Variants in ADAMTS17 observed in about 807,000 individuals in gnomAD.
ADAMTS17 encodes ADAM metallopeptidase with thrombospondin type 1 motif 17, also known as A disintegrin and metalloproteinase with thrombospondin motifs 17.
In ADAMTS17, 113 loss-of-function variants were observed where a neutral mutation model predicts 141.5. The ratio of observed to expected loss-of-function variants is 0.80; its 90% CI spans 0.69 to 0.93. The LOEUF (loss-of-function observed/expected upper bound fraction) is 0.93, where lower values mean the gene tolerates loss of function less well. Ranked by LOEUF, ADAMTS17 falls within the 40% of genes least tolerant of loss-of-function variation. The pLI is 0.00. For missense variants in ADAMTS17, 1,659 were observed against 1,517.9 expected (o/e 1.09, Z -1.54); for synonymous variants, 768 against 630.6 (o/e 1.22, Z -3.27).
intron 15 of ADAMTS17, among the ~76,000 whole-genome samples, chr15:100,076,284 C>G (rs1373111970): frequency 6.6e-6 from 1 of 152,140 alleles, no homozygotes; most frequent in Non-Finnish European, 1.5e-5. Flanking sequence ...CTCAGGTGAT[C>G]CACCTGCCCC....
intron 8 of ADAMTS17, among the ~76,000 whole-genome samples, chr15:100,160,135 A>G (rs2039623683): frequency 6.6e-6 from 1 of 152,228 alleles, no homozygotes; most frequent in Non-Finnish European, 1.5e-5. Flanking sequence ...ATACAGCATT[A>G]TCTTACTTTG....
At chr15:100,068,972 G>T (rs2141709241) in intron 15 of ADAMTS17, among the ~76,000 whole-genome samples, 1 of 152,240 alleles carries the variant, frequency 6.6e-6, no homozygotes, top group East Asian at 1.9e-4. Flanking sequence ...TGAAACCTAT[G>T]GCATAGAAGT....
At chr15:100,303,385 G>T (rs2045111512) in intron 3 of ADAMTS17, among the ~76,000 whole-genome samples, 1 of 151,544 alleles carries the variant, frequency 6.6e-6, no homozygotes, top group Non-Finnish European at 1.5e-5. Flanking sequence ...ATGATTTAAA[G>T]AACTCTTCTC....
chr15:100,074,944 A>C (rs1381763543), intron 15 of ADAMTS17, among the ~76,000 whole-genome samples: 1 of 152,008 alleles, frequency 6.6e-6, no homozygotes, highest in East Asian at 1.9e-4. Context: ...TCCTACCCCC[A>C]TTTGGTTCAT....
At chr15:99,981,264 ACTG>A (rs2060477476) in intron 20 of ADAMTS17, among the ~76,000 whole-genome samples, 1 of 152,242 alleles carries the variant, frequency 6.6e-6, no homozygotes, top group Non-Finnish European at 1.5e-5. Flanking sequence ...TATAAATAGA[ACTG>A]CTCCATGAGA....
chr15:100,216,496 C>G (rs372568076), intron 7 of ADAMTS17, among the ~76,000 whole-genome samples: 153 of 152,296 alleles, frequency 1.0e-3, no homozygotes, highest in African/African-American at 3.5e-3. Flanking sequence ...TCTTTATCTG[C>G]GCTGGGGGCC....
rs149399082 is a variant in ADAMTS17, at chr15:100,320,590, T to C, written c.616+10299A>G. 1.9e-3 allele frequency among the ~76,000 whole-genome samples: 288 copies of C among 152,280 alleles called. 1 individual carries two copies. Among genetic ancestry groups the C allele is most frequent in the African/African-American group, 6.6e-3 (275 of 41,552 alleles). ...GCCCACACCTGTAGTCCCAGCACTT[T>C]GGGAGGCCGAGGCGGGCCAATTGCT... is the stretch of plus-strand genomic sequence containing the variant. On this transcript the variant is annotated intron_variant, in intron 3 of 21. Coordinates refer to ENST00000268070, the MANE Select transcript of ADAMTS17 (RefSeq NM_139057.4).
rs114835622 is a variant in ADAMTS17 at position 100,138,266 on chromosome 15, A to G, written c.1474-4951T>C. ...TTAGAATTCCATGGTTATGTCCAAT[A>G]AAGTATAAACCCATAATCAAACATG... On this transcript the variant is annotated intron_variant, in intron 10 of 21. Transcript: ENST00000268070. Among the ~76,000 whole-genome samples, 413 of 152,370 alleles carry G rather than the reference A, an allele frequency of 2.7e-3. 4 individuals are homozygous for G. Among genetic ancestry groups the G allele is most frequent in the African/African-American group, 8.9e-3 (369 of 41,586 alleles).
In ADAMTS17 at chr15:100,341,168, G is replaced by A; in HGVS notation, c.321C>T (p.Phe107=). 2 of 1,460,504 alleles carry A rather than the reference G, an allele frequency of 1.4e-6. No individual in the cohort carries two copies. Among genetic ancestry groups the A allele is most frequent in the Non-Finnish European group, 1.8e-6 (2 of 1,110,900 alleles). 90.5% of individuals were successfully genotyped at this position (1,460,504 alleles called of 1,614,324 possible). The part of the protein sequence containing the change: ...RRDLRFLSRG[F]EVEEAGAARR... ...GGGCCGCGCCCGCCTCCTCCACCTCGAAGCCTCGGGACAGGAAGCGCAGGT... is the reference window on the plus strand; with the variant it reads ...GGGCCGCGCCCGCCTCCTCCACCTCAAAGCCTCGGGACAGGAAGCGCAGGT... The change falls in exon 2 of 22, where the codon TTC becomes TTT. Residue 107 remains phenylalanine (F), a synonymous_variant. Coordinates refer to ENST00000268070, the MANE Select transcript of ADAMTS17 (RefSeq NM_139057.4).
intron 8 of ADAMTS17, among the ~76,000 whole-genome samples, chr15:100,172,831 T>A (rs2040209947): frequency 1.3e-5 from 2 of 152,232 alleles, no homozygotes; most frequent in African/African-American, 4.8e-5. Flanking sequence ...CTGCAGACAG[T>A]AAATTTGCCT....
At chr15:99,992,811 G>A (rs1268616822) in intron 20 of ADAMTS17, among the ~76,000 whole-genome samples, 3 of 152,268 alleles carry the variant, frequency 2.0e-5, no homozygotes, top group African/African-American at 7.2e-5. Context: ...GCATGCACGT[G>A]AAGCAGTGGG....
rs1362783987 is a variant in ADAMTS17, at chr15:100,341,907, G to C, written c.-8C>G. Reference sequence around the variant, plus strand: ...CAGGGCGCCGTCACACATGGTACCCGGGACCGGCAGCCCCCCCGGACCGTG... The same window carrying C: ...CAGGGCGCCGTCACACATGGTACCCCGGACCGGCAGCCCCCCCGGACCGTG... On this transcript the variant is annotated 5_prime_UTR_variant, in exon 1 of 22. Transcript: ENST00000268070. 1 of 1,546,130 alleles carries C rather than the reference G, an allele frequency of 6.5e-7. No individual in the cohort carries two copies.
Position 100,281,385 on chromosome 15 carries a change from C to G in ADAMTS17, c.633G>C (p.Thr211=). 1.9e-6 allele frequency: 3 copies of G among 1,612,600 alleles called. No individual in the cohort carries two copies. Among genetic ancestry groups the G allele is most frequent in the South Asian group, 1.1e-5 (1 of 91,058 alleles). Residue 211 remains threonine (T), a synonymous_variant, in exon 4 of 22, where the codon ACG becomes ACC. Transcript: ENST00000268070. ...CKVLTEKKKP[T]WGRPSRDWRE... is the part of the protein sequence containing the mutation. Reference sequence around the variant, plus strand: ...GCCAGTCCCGCGAAGGCCTGCCCCACGTCGGCTTCTTCTTTTCTAGAAAAT... The same window carrying G: ...GCCAGTCCCGCGAAGGCCTGCCCCAGGTCGGCTTCTTCTTTTCTAGAAAAT...
chr15:100,072,473 A>G (rs535136607), intron 15 of ADAMTS17, among the ~76,000 whole-genome samples: 14 of 151,674 alleles, frequency 9.2e-5, no homozygotes, highest in Non-Finnish European at 1.6e-4. Flanking sequence ...AAAAGAACAA[A>G]GCTGGAGGCA....
At chr15:100,307,335 A>G (rs946069539) in intron 3 of ADAMTS17, among the ~76,000 whole-genome samples, 1 of 152,204 alleles carries the variant, frequency 6.6e-6, no homozygotes, top group African/African-American at 2.4e-5. Flanking sequence ...CACAGGCACC[A>G]AGGACCACAA....
chr15:99,976,912 C>G (rs2060345175), intron 20 of ADAMTS17, among the ~76,000 whole-genome samples: 1 of 152,174 alleles, frequency 6.6e-6, no homozygotes, highest in African/African-American at 2.4e-5. Context: ...CACCGCTCGC[C>G]TCTGCTCCAG....
At chr15:100,118,089 GT>G in intron 12 of ADAMTS17, among the ~76,000 whole-genome samples, 1 of 152,204 alleles carries the variant, frequency 6.6e-6, no homozygotes, top group Non-Finnish European at 1.5e-5. Flanking sequence ...TTGGGCTTTT[GT>G]GTCATAAAGG....
intron 12 of ADAMTS17, among the ~76,000 whole-genome samples, chr15:100,125,146 T>G (rs1264267341): frequency 6.6e-6 from 1 of 152,218 alleles, no homozygotes; most frequent in African/African-American, 2.4e-5. Flanking sequence ...TGGCGGCCCC[T>G]GGCTCTGTGA....
intron 7 of ADAMTS17, among the ~76,000 whole-genome samples, chr15:100,210,841 C>T (rs1294178125): frequency 6.6e-6 from 1 of 152,140 alleles, no homozygotes; most frequent in Non-Finnish European, 1.5e-5. Context: ...GTGGCTCACG[C>T]CTGTAATCCC....
Sources: allele counts gnomAD v4.1 joint callset (sites outside exome capture counted in the v4.1 genomes callset), GRCh38; gene constraint gnomAD v4.1.1; transcripts MANE v1.5; gene names NCBI Gene and HGNC (gene_info 2026-07-23, HGNC 2026-07-21).